Variants in RARS1 observed in about 807,000 individuals in gnomAD.
RARS1 encodes the protein arginyl-tRNA synthetase 1, also known as arginine--tRNA ligase, cytoplasmic.
RARS1 carries 75 observed loss-of-function variants against 78.7 expected under a neutral mutation model. That is an observed-to-expected ratio of 0.95 (90% CI 0.79 to 1.15). The LOEUF (loss-of-function observed/expected upper bound fraction) is 1.15, where lower values mean the gene tolerates loss of function less well. RARS1 is among the 50% of genes most tolerant of loss of function. RARS1 has a pLI of 0.00. For missense variants in RARS1, 787 were observed against 787.5 expected (o/e 1.00, Z 0.01); for synonymous variants, 273 against 268.2 (o/e 1.02, Z -0.18).
chr5:168,514,126 C>G (rs996775932), intron 12 of RARS1, among the ~76,000 whole-genome samples: 1 of 152,074 alleles, frequency 6.6e-6, no homozygotes, highest in Admixed American at 6.6e-5. Flanking sequence ...TTTTCTCAGA[C>G]TTTTTTTAGT....
intron 12 of RARS1, among the ~76,000 whole-genome samples, chr5:168,515,114 G>A (rs1758638029): frequency 6.6e-6 from 1 of 152,078 alleles, no homozygotes; most frequent in Admixed American, 6.5e-5. Context: ...CTTTGGTAAG[G>A]TGATAGTATC....
intron 2 of RARS1, 99 bp from the exon 3 acceptor site, chr5:168,492,560 T>C (rs1313098913): frequency 1.9e-6 from 2 of 1,074,498 alleles, no homozygotes; most frequent in African/African-American, 3.2e-5. Context: ...CTTTTGGTTC[T>C]TAAGATATTT....
intron 7 of RARS1, chr5:168,498,087 C>T (rs1758236465): frequency 6.6e-6 from 1 of 151,968 alleles, no homozygotes; most frequent in African/African-American, 2.4e-5. Flanking sequence ...AATAACTAGC[C>T]AGGCATGGTG....
rs199969391 is a variant in RARS1, at chr5:168,502,380, A to ATTT, written c.1057+276_1057+277insTTT. 0.017 allele frequency among the ~76,000 whole-genome samples: 1,680 copies of ATTT among 97,910 alleles called. 32 individuals are homozygous for ATTT. Among genetic ancestry groups the ATTT allele is most frequent in the African/African-American group, 0.058 (1,262 of 21,728 alleles). The allele number at this position is 97,910 out of a possible 152,430, so 64.2% of individuals were successfully genotyped here. A position where few individuals can be genotyped will look rare whatever the true frequency, so the allele number is the denominator to read the frequency against. ...ATAACAAATATATATATATATATAT[A>ATTT]TATATTTTTTTTTTTTAAAACAATC... On this transcript the variant is annotated intron_variant, in intron 9 of 14. Transcript: ENST00000231572.
At chr5:168,517,766 A>G (rs1202571150) in intron 13 of RARS1, 49 bp from the exon 14 acceptor site, 10 of 1,343,364 alleles carry the variant, frequency 7.4e-6, no homozygotes, top group Middle Eastern at 1.8e-4. Flanking sequence ...GTGTGCCTAA[A>G]AAAAGGGAAC....
chr5:168,494,903 G>A (rs925983728), intron 5 of RARS1: 7 of 387,200 alleles, frequency 1.8e-5, no homozygotes, highest in African/African-American at 1.2e-4. Context: ...TGCTGAAACC[G>A]GGAATGGATT....
At chr5:168,496,378 C>CAA (rs35365870) in intron 6 of RARS1, among the ~76,000 whole-genome samples, 3 of 116,024 alleles carry the variant, frequency 2.6e-5, no homozygotes, top group Non-Finnish European at 5.5e-5. Flanking sequence ...GACTCTCTGT[C>CAA]AAAAAAAAAA....
At position 168,518,005 on chromosome 5, in the gene RARS1, A is replaced by G. The variant is rs773197957; in HGVS notation, c.1816A>G (p.Thr606Ala). 1.9e-6 allele frequency: 3 copies of G among 1,592,760 alleles called. No individual in the cohort carries two copies. The highest frequency in any genetic ancestry group is 1.1e-5 in the South Asian group (1 of 90,802). The change falls in exon 14 of 15, where the codon ACT becomes GCT. Residue 606 changes from threonine (T) to alanine (A), a missense_variant. Transcript: ENST00000231572. Reference protein sequence around the residue: ...TLCDYIYELATAFTEFYDSCY... With the variant: ...TLCDYIYELAAAFTEFYDSCY... ...CTGTGATTATATATATGAGCTGGCA[A>G]CTGCTTTCACAGAGTTCTATGATAG...
Position 168,495,455 on chromosome 5 carries a change from C to A in RARS1, c.701+19C>A, listed in dbSNP as rs369512389. On this transcript the variant is annotated intron_variant, in intron 6 of 14. Transcript: ENST00000231572. ...TGCTCAGGTATGTGCTCTTGCCTTG[C>A]GTACTATTCTCTTTCCTTATTTTCT... 4 of 1,599,850 alleles carry A rather than the reference C, an allele frequency of 2.5e-6. No homozygotes were observed. Among genetic ancestry groups the A allele is most frequent in the Non-Finnish European group, 3.4e-6 (4 of 1,171,036 alleles).
In RARS1 at chr5:168,494,627, C is replaced by T. The variant is rs759366633; in HGVS notation, c.556C>T (p.Pro186Ser). The T allele has an allele frequency of 2.5e-6, 4 of 1,601,248 alleles. No homozygotes were observed. Among genetic ancestry groups the T allele is most frequent in the Non-Finnish European group, 2.6e-6 (3 of 1,168,492 alleles). Reference sequence around the variant, plus strand: ...TCTTCTAGTGAATGGAGTTCAACTACCTGCTCTGGGAGAGAATAAAAAGGT... The same window carrying T: ...TCTTCTAGTGAATGGAGTTCAACTATCTGCTCTGGGAGAGAATAAAAAGGT... Reference protein sequence around the residue: ...TSLLVNGVQLPALGENKKVIV... With the variant: ...TSLLVNGVQLSALGENKKVIV... The change falls in exon 5 of 15, where the codon CCT (proline) becomes TCT (serine). Residue 186 changes from proline (P) to serine (S), a missense_variant. Transcript: ENST00000231572.
In RARS1 at chr5:168,517,830, G is replaced by C. The variant is rs1758702971; in HGVS notation, c.1641G>C (p.Leu547=). The change falls in exon 14 of 15, where the codon CTG becomes CTC. Residue 547 remains leucine (L), a synonymous_variant. Transcript: ENST00000231572. ...TTTTTTTAAGGTCTATTGCACGTCTGGCCAATATTGATGAAGAAATGCTCC... is the reference window on the plus strand; with the variant it reads ...TTTTTTTAAGGTCTATTGCACGTCTCGCCAATATTGATGAAGAAATGCTCC... ...AFTRIRSIAR[L]ANIDEEMLQK... is the part of the protein sequence containing the mutation. The C allele has an allele frequency of 6.2e-7, 1 of 1,602,506 alleles. No homozygotes were observed. The highest frequency in any genetic ancestry group is 1.1e-5 in the South Asian group (1 of 90,876).
chr5:168,502,131 A>T (rs367598522), intron 9 of RARS1, 26 bp downstream of exon 9: 2 of 1,572,276 alleles, frequency 1.3e-6, no homozygotes, highest in African/African-American at 2.8e-5. Context: ...TTAACTTTTT[A>T]TTATGGAAAT....
intron 12 of RARS1, among the ~76,000 whole-genome samples, chr5:168,512,315 A>G (rs542655072): frequency 7.7e-4 from 117 of 152,246 alleles, no homozygotes; most frequent in Admixed American, 1.4e-3. Context: ...TTAGAGGTAC[A>G]TGTGCTTTTT....
chr5:168,493,633 CAAAAAAAA>C (rs35001933), intron 3 of RARS1, among the ~76,000 whole-genome samples: 4 of 78,242 alleles, frequency 5.1e-5, no homozygotes, highest in Admixed American at 3.3e-4. Flanking sequence ...GACTCCATCT[CAAAAAAAA>C]AAAAAAAAAA....
intron 13 of RARS1, 38 bp from the exon 14 acceptor site, chr5:168,517,777 A>C: frequency 6.9e-7 from 1 of 1,450,898 alleles, no homozygotes; most frequent in Non-Finnish European, 9.3e-7. Flanking sequence ...AAAAGGGAAC[A>C]GTGGTGATTG....
intron 8 of RARS1, 30 bp downstream of exon 8, chr5:168,500,750 A>G: frequency 6.2e-7 from 1 of 1,601,290 alleles, no homozygotes; most frequent in South Asian, 1.1e-5. Flanking sequence ...TCCTTCGTCC[A>G]GCAAATACTA....
chr5:168,500,539 C>G, intron 7 of RARS1, 52 bp from the exon 8 acceptor site: 5 of 1,357,268 alleles, frequency 3.7e-6, no homozygotes, highest in Non-Finnish European at 4.8e-6. Context: ...TCTAGAAATA[C>G]AGGATTAGAT....
At chr5:168,516,577 A>G (rs1758670183) in intron 12 of RARS1, among the ~76,000 whole-genome samples, 1 of 152,182 alleles carries the variant, frequency 6.6e-6, no homozygotes, top group African/African-American at 2.4e-5. Flanking sequence ...CACATTCTTC[A>G]TTGTGCATAA....
At chr5:168,492,906 G>A (rs993906786) in intron 3 of RARS1, 59 bp downstream of exon 3, 6 of 1,331,742 alleles carry the variant, frequency 4.5e-6, no homozygotes, top group Non-Finnish European at 6.2e-6. Context: ...TATCATCATT[G>A]CCATTTACAG....
Sources: gnomAD v4.1 joint callset for allele counts (sites outside exome capture counted in the v4.1 genomes callset) on GRCh38, gnomAD v4.1.1 for gene constraint, MANE v1.5 for transcripts, NCBI Gene and HGNC (gene_info 2026-07-23, HGNC 2026-07-21) for gene names.